PPP1R1A: variants seen among roughly 807,000 people sequenced by gnomAD.
PPP1R1A encodes protein phosphatase 1 regulatory inhibitor subunit 1A, also known as protein phosphatase 1 regulatory subunit 1A.
PPP1R1A carries 18 observed loss-of-function variants against 23.9 expected under a neutral mutation model. That is an observed-to-expected ratio of 0.75 (90% CI 0.52 to 1.12). The LOEUF (loss-of-function observed/expected upper bound fraction) is 1.12, where lower values mean the gene tolerates loss of function less well. Among genes scored for constraint, PPP1R1A ranks in the 50% most tolerant of loss-of-function variants. The pLI is 0.00. For synonymous variants in PPP1R1A, 84 were observed against 80.7 expected (o/e 1.04, Z -0.22); for missense variants, 207 against 223.8 (o/e 0.92, Z 0.48).
chr12:54,583,343 C>T, intron 2 of PPP1R1A, 95 bp from the exon 3 acceptor site: 6 of 1,210,056 alleles, frequency 5.0e-6, no homozygotes, highest in Non-Finnish European at 6.6e-6. Flanking sequence ...TGCAGCCATG[C>T]TCCTCCTGAT....
At chr12:54,584,380 C>T in intron 1 of PPP1R1A, 60 bp from the exon 2 acceptor site, 1 of 1,424,884 alleles carries the variant, frequency 7.0e-7, no homozygotes, top group Non-Finnish European at 9.6e-7. Context: ...CAAAGCCCCA[C>T]CCAAAACCAC....
intron 4 of PPP1R1A, among the ~76,000 whole-genome samples, 190 bp from the exon 5 acceptor site, chr12:54,582,321 A>G (rs1301412512): frequency 6.6e-6 from 1 of 152,096 alleles, no homozygotes; most frequent in Non-Finnish European, 1.5e-5. Flanking sequence ...CTAGACCATA[A>G]AAAGTACTCT....
chr12:54,581,509 CGCACT>C lies in PPP1R1A; in HGVS notation c.403+462_404-460del, dbSNP rs1957855881. The stretch of plus-strand genomic sequence containing the variant: ...AATATATCTAGGATAAGGGACATAG[CGCACT>C]GCTACCAGCTTCCACTTATTGCATG... On this transcript the variant is annotated intron_variant, in intron 5 of 6. Coordinates refer to ENST00000257905, the MANE Select transcript of PPP1R1A (RefSeq NM_006741.4). The surrounding 1 kb of genome is among the most constrained non-coding windows in gnomAD (Gnocchi z 4.1). 6.6e-6 allele frequency among the ~76,000 whole-genome samples: 1 copy of C among 152,206 alleles called. No individual in the cohort carries two copies. Among genetic ancestry groups the C allele is most frequent in the Admixed American group, 6.5e-5 (1 of 15,286 alleles).
Position 54,588,516 on chromosome 12 carries a change from G to C in PPP1R1A, c.-28C>G. The C allele has an allele frequency of 7.7e-7, 1 of 1,306,398 alleles. No homozygotes were observed. The highest frequency in any genetic ancestry group is 3.7e-5 in the Admixed American group (1 of 26,940). The allele number at this position is 1,306,398 out of a possible 1,614,324, so 80.9% of individuals were successfully genotyped here. Reference sequence around the variant, plus strand: ...CTGGGGCGGCGGCCGGTGGGCCCGCGCTGCGGCGGGAGGGAAGGCGGCGGG... The same window carrying C: ...CTGGGGCGGCGGCCGGTGGGCCCGCCCTGCGGCGGGAGGGAAGGCGGCGGG... On this transcript the variant is annotated 5_prime_UTR_variant, in exon 1 of 7. Transcript: ENST00000257905.
At chr12:54,583,715 C>T (rs1021777539) in intron 2 of PPP1R1A, among the ~76,000 whole-genome samples, 3 of 152,142 alleles carry the variant, frequency 2.0e-5, no homozygotes, top group African/African-American at 4.8e-5. Context: ...CTGGAGACCC[C>T]GGCATCCTGA....
intron 3 of PPP1R1A, 148 bp from the exon 4 acceptor site, chr12:54,582,943 T>A: frequency 1.1e-6 from 1 of 902,542 alleles, no homozygotes; most frequent in Non-Finnish European, 1.7e-6. Flanking sequence ...GGGGTAGGTG[T>A]GAGCTTCAAA....
intron 1 of PPP1R1A, among the ~76,000 whole-genome samples, chr12:54,584,595 G>A (rs1239432906): frequency 1.3e-5 from 2 of 152,152 alleles, no homozygotes; most frequent in Non-Finnish European, 2.9e-5. Context: ...AAGAGAGGGA[G>A]GGAGGAGGGC....
At position 54,579,827 on chromosome 12, in the gene PPP1R1A, G is replaced by A. The variant is rs959247449; in HGVS notation, c.*560C>T. 1.4e-5 allele frequency: 14 copies of A among 985,472 alleles called. No homozygotes were observed. Among genetic ancestry groups the A allele is most frequent in the East Asian group, 1.1e-4 (1 of 8,830 alleles). The allele number at this position is 985,472 out of a possible 1,614,324, so 61.0% of individuals were successfully genotyped here. On this transcript the variant is annotated 3_prime_UTR_variant, in exon 7 of 7. Transcript: ENST00000257905. The stretch of plus-strand genomic sequence containing the variant: ...CTTGGAGGGCAGGCGAGGAGGTATC[G>A]GCACACCACCATACCCTCTTTCCCA...
chr12:54,584,204 G>T, intron 2 of PPP1R1A, 56 bp downstream of exon 2: 1 of 1,472,192 alleles, frequency 6.8e-7, no homozygotes, highest in South Asian at 1.2e-5. Flanking sequence ...TCTTCTCATT[G>T]GGACCTGCTG....
At position 54,580,988 on chromosome 12, in the gene PPP1R1A, G is replaced by C; in HGVS notation, c.466C>G (p.Pro156Ala). Residue 156 changes from proline to alanine, a missense_variant, in exon 6 of 7, where the codon CCC (proline) becomes GCC (alanine). Transcript: ENST00000257905. ...TCCAGTGGTGGTATATGGGTTGAGG[G>C]TTCTTTTGTGCTGGGTTCCTTACTG... ...RGSKEPSTKE[P>A]STHIPPLDSK... 1 of 1,613,912 alleles carries C rather than the reference G, an allele frequency of 6.2e-7. No homozygotes were observed. Among genetic ancestry groups the C allele is most frequent in the Non-Finnish European group, 8.5e-7 (1 of 1,179,834 alleles).
chr12:54,586,836 G>A (rs966827405), intron 1 of PPP1R1A, among the ~76,000 whole-genome samples: 4 of 152,056 alleles, frequency 2.6e-5, no homozygotes, highest in African/African-American at 9.7e-5. Context: ...TACAGGTGTC[G>A]GGCCCTGTCT....
Position 54,579,343 on chromosome 12 carries a change from T to C in PPP1R1A, c.*1044A>G. The stretch of plus-strand genomic sequence containing the variant: ...TGGGTGAGGCGTTCTCCCTCATATA[T>C]ATATATATATATATTTAGGTATGTA... On this transcript the variant is annotated 3_prime_UTR_variant, in exon 7 of 7. Transcript: ENST00000257905. The C allele has an allele frequency of 3.2e-6, 3 of 946,088 alleles. No homozygotes were observed. Among genetic ancestry groups the C allele is most frequent in the African/African-American group, 1.8e-5 (1 of 56,666 alleles). 58.6% of individuals were successfully genotyped at this position (946,088 alleles called of 1,614,324 possible).
intron 1 of PPP1R1A, among the ~76,000 whole-genome samples, chr12:54,585,089 C>T (rs892365888): frequency 6.6e-6 from 1 of 152,192 alleles, no homozygotes; most frequent in Non-Finnish European, 1.5e-5. Context: ...CCTTTTCAAG[C>T]GCCCCCCAGC....
At chr12:54,584,143 C>G in intron 2 of PPP1R1A, 117 bp downstream of exon 2, 1 of 1,061,864 alleles carries the variant, frequency 9.4e-7, no homozygotes, top group African/African-American at 1.6e-5. Context: ...GCCTTCAGTA[C>G]TGAGGACATC....
In PPP1R1A at chr12:54,582,761, T is replaced by A. The variant is rs780189550; in HGVS notation, c.218A>T (p.Lys73Met). 1.9e-6 allele frequency: 3 copies of A among 1,613,816 alleles called. No individual in the cohort carries two copies. The highest frequency in any genetic ancestry group is 1.3e-5 in the African/African-American group (1 of 75,050). ...TLAMSPRQRK[K>M]MTRITPTMKE... ...CATTGTGGGTGTGATCCTTGTCATC[T>A]TCTTCCGTTGCCGTGGAGACATTGC... Residue 73 changes from lysine (K) to methionine (M), a missense_variant, in exon 4 of 7, where the codon AAG becomes ATG. Physicochemically the swap from Lys to Met is moderately conservative, Grantham distance 95 (BLOSUM62 -1). Coordinates refer to ENST00000257905, the MANE Select transcript of PPP1R1A (RefSeq NM_006741.4).
At position 54,588,467 on chromosome 12, in the gene PPP1R1A, G is replaced by A; in HGVS notation, c.22C>T (p.Arg8Ter). The A allele has an allele frequency of 6.8e-7, 1 of 1,469,034 alleles. No homozygotes were observed. Among genetic ancestry groups the A allele is most frequent in the Non-Finnish European group, 9.1e-7 (1 of 1,103,494 alleles). The allele number at this position is 1,469,034 out of a possible 1,614,324, so 91.0% of individuals were successfully genotyped here. The change falls in exon 1 of 7, where the codon CGA (arginine) becomes TGA (stop). Residue 8 changes from arginine to a stop codon, truncating the protein, a stop_gained. Coordinates refer to ENST00000257905, the MANE Select transcript of PPP1R1A (RefSeq NM_006741.4). LOFTEE classifies it high-confidence loss of function. ...AGCGGGACCGTGAACTGGATCTTTC[G>A]GGGGCTGTTGTCTTGCTCCATGGCT... MEQDNSPRKIQFTVPLLE... is the reference protein window; with the variant it reads MEQDNSP
At position 54,584,317 on chromosome 12, in the gene PPP1R1A, G is replaced by A. The variant is rs758266240; in HGVS notation, c.88C>T (p.Arg30Trp). Residue 30 changes from arginine (R) to tryptophan (W), a missense_variant, in exon 2 of 7, where the codon CGG (arginine) becomes TGG (tryptophan). Arg to Trp is a moderately radical substitution (Grantham distance 101, BLOSUM62 -3). Transcript: ENST00000257905. ...HLDPEAAEQI[R>W]RRRPTPATLV... is the part of the protein sequence containing the mutation. The stretch of plus-strand genomic sequence containing the variant: ...GTGGCAGGGGTGGGGCGGCGCCTCC[G>A]AATCTGAGGGAAGGTGGGAAATGGG... 1.9e-6 allele frequency: 3 copies of A among 1,598,326 alleles called. No homozygotes were observed. The highest frequency in any genetic ancestry group is 1.1e-5 in the South Asian group (1 of 87,746).
At position 54,579,828 on chromosome 12, in the gene PPP1R1A, G is replaced by C; in HGVS notation, c.*559C>G. ...TTGGAGGGCAGGCGAGGAGGTATCG[G>C]CACACCACCATACCCTCTTTCCCAT... On this transcript the variant is annotated 3_prime_UTR_variant, in exon 7 of 7. Transcript: ENST00000257905. 1 of 985,576 alleles carries C rather than the reference G, an allele frequency of 1.0e-6. No individual in the cohort carries two copies. Among genetic ancestry groups the C allele is most frequent in the Non-Finnish European group, 1.2e-6 (1 of 830,114 alleles). 61.1% of individuals were successfully genotyped at this position (985,576 alleles called of 1,614,324 possible).
rs1957887591 is a variant in PPP1R1A, at chr12:54,584,324, A to G, written c.85-4T>C. The stretch of plus-strand genomic sequence containing the variant: ...GGGTGGGGCGGCGCCTCCGAATCTG[A>G]GGGAAGGTGGGAAATGGGGAAGAGG... On this transcript the variant is annotated splice_polypyrimidine_tract_variant and splice_region_variant and intron_variant, in intron 1 of 6. Transcript: ENST00000257905. 1 of 1,596,488 alleles carries G rather than the reference A, an allele frequency of 6.3e-7. No homozygotes were observed. The highest frequency in any genetic ancestry group is 8.5e-7 in the Non-Finnish European group (1 of 1,171,536).
Sources: allele counts gnomAD v4.1 joint callset (sites outside exome capture counted in the v4.1 genomes callset), GRCh38; gene constraint gnomAD v4.1.1; non-coding constraint Gnocchi (gnomAD v3.1); transcripts MANE v1.5; gene names NCBI Gene and HGNC (gene_info 2026-07-23, HGNC 2026-07-21).